The following EGFLAM variants were observed in gnomAD, a reference collection of about 807,000 sequenced individuals.
EGFLAM encodes the protein pikachurin.
A neutral mutation model predicts 113.1 loss-of-function variants in EGFLAM; 79 were observed. The observed-to-expected ratio is 0.70, with a 90% CI of 0.58 to 0.84. EGFLAM has a LOEUF of 0.84. EGFLAM is among the 40% of genes least tolerant of loss of function. EGFLAM has a pLI of 0.00. For missense variants in EGFLAM, 1,265 were observed against 1,291.6 expected, an observed-to-expected ratio of 0.98 and a Z score of 0.32; for synonymous variants, 504 against 487.6, an observed-to-expected ratio of 1.03 and a Z score of -0.44.
chr5:38,288,598 G>A (rs935180991), intron 1 of EGFLAM, among the ~76,000 whole-genome samples: 2 of 149,368 alleles, frequency 1.3e-5, no homozygotes, highest in African/African-American at 5.2e-5. Flanking sequence ...TGGTTCATGA[G>A]CTGAGAAAAT....
rs753660780 is a variant in EGFLAM at position 38,258,830 on chromosome 5, C to G, written c.76C>G (p.Arg26Gly). 5.6e-6 allele frequency: 9 copies of G among 1,611,988 alleles called. No individual in the cohort carries two copies. The highest frequency in any genetic ancestry group is 3.3e-5 in the Admixed American group (2 of 59,912). The change falls in exon 1 of 22, where the codon CGA becomes GGA. Residue 26 changes from arginine to glycine, a missense_variant. Arg to Gly is a moderately radical substitution (Grantham distance 125). Coordinates refer to ENST00000322350, the MANE Select transcript of EGFLAM (RefSeq NM_152403.4). ...SSLGPGAVSL[R>G]AAIRKPGKVG... ...CCTCGGACCCGGCGCGGTGTCGCTCCGAGCGGCCATCCGAAAACCAGGTAA... is the reference window on the plus strand; with the variant it reads ...CCTCGGACCCGGCGCGGTGTCGCTCGGAGCGGCCATCCGAAAACCAGGTAA...
At chr5:38,380,615 C>A (rs1740485027) in intron 6 of EGFLAM, among the ~76,000 whole-genome samples, 1 of 152,180 alleles carries the variant, frequency 6.6e-6, no homozygotes, top group Non-Finnish European at 1.5e-5. Context: ...CCTAGACAAA[C>A]CTGCATTTTC....
Position 38,407,918 on chromosome 5 carries a change from T to G in EGFLAM, c.1248+13T>G. 2.2e-5 allele frequency: 35 copies of G among 1,573,734 alleles called. No homozygotes were observed. The highest frequency in any genetic ancestry group is 3.0e-5 in the Non-Finnish European group (34 of 1,143,738). On this transcript the variant is annotated intron_variant, in intron 9 of 21. Coordinates refer to ENST00000322350, the MANE Select transcript of EGFLAM (RefSeq NM_152403.4). ...TCTTGAATTTAGGGTAAGAGGGATG[T>G]GTTGTTTGATGAGTGCTTTTTGGAC...
At chr5:38,440,068 G>C (rs1399981409) in intron 17 of EGFLAM, among the ~76,000 whole-genome samples, 1 of 152,192 alleles carries the variant, frequency 6.6e-6, no homozygotes, top group Non-Finnish European at 1.5e-5. Flanking sequence ...TATAGGTTCA[G>C]GTTCAATGAG....
chr5:38,295,090 G>T (rs951204564), intron 1 of EGFLAM, among the ~76,000 whole-genome samples: 1 of 152,168 alleles, frequency 6.6e-6, no homozygotes, highest in East Asian at 1.9e-4. Context: ...GCCTCCCAAC[G>T]TGCTGGGAAT....
chr5:38,425,138 T>A, intron 13 of EGFLAM, 46 bp downstream of exon 13: 1 of 1,601,588 alleles, frequency 6.2e-7, no homozygotes, highest in Non-Finnish European at 8.5e-7. Context: ...GCATGTTAAT[T>A]TGTGTAGATG....
intron 6 of EGFLAM, among the ~76,000 whole-genome samples, chr5:38,377,006 A>G (rs1740383780): frequency 6.6e-6 from 1 of 151,316 alleles, no homozygotes; most frequent in Non-Finnish European, 1.5e-5. Context: ...GCCCTGCTTT[A>G]TTTTCTCCAT....
chr5:38,319,353 C>A (rs773514020), intron 1 of EGFLAM, among the ~76,000 whole-genome samples: 37 of 152,108 alleles, frequency 2.4e-4, no homozygotes, highest in Non-Finnish European at 5.0e-4. Context: ...GATGCCAGCA[C>A]AGGTTGATGG....
rs534460044 is a variant in EGFLAM, at chr5:38,445,867, G to A, written c.2465-2434G>A. On this transcript the variant is annotated intron_variant, in intron 17 of 21. Coordinates refer to ENST00000322350, the MANE Select transcript of EGFLAM (RefSeq NM_152403.4). ...CCAGAGGACACTTCTCTCCTGAGCT[G>A]GGGGCTGAGCCGGCAGCTGCTGGGG... 3.3e-5 allele frequency among the ~76,000 whole-genome samples: 5 copies of A among 152,286 alleles called. No individual in the cohort carries two copies. In the South Asian group the frequency reaches 6.2e-4, roughly 19 times the overall value.
chr5:38,448,420 G>A (rs756459203), intron 18 of EGFLAM, 41 bp downstream of exon 18: 6 of 1,592,278 alleles, frequency 3.8e-6, no homozygotes, highest in Non-Finnish European at 5.2e-6. Context: ...CTTTCTGGGG[G>A]TAAATTTCTC....
intron 15 of EGFLAM, among the ~76,000 whole-genome samples, chr5:38,433,320 C>A (rs1579924884): frequency 6.6e-6 from 1 of 152,206 alleles, no homozygotes; most frequent in Non-Finnish European, 1.5e-5. Context: ...GGGCTTGAGT[C>A]CGACTATGCA....
chr5:38,363,398 G>GA (rs1192025392), intron 5 of EGFLAM, among the ~76,000 whole-genome samples: 1 of 151,582 alleles, frequency 6.6e-6, no homozygotes, highest in Non-Finnish European at 1.5e-5. Context: ...ACTTGGATTG[G>GA]AAAAAAAATT....
chr5:38,348,568 G>A (rs1290401331), intron 3 of EGFLAM, among the ~76,000 whole-genome samples: 5 of 152,170 alleles, frequency 3.3e-5, no homozygotes, highest in Admixed American at 3.3e-4. Context: ...TCATTACAAA[G>A]TTGTTACGGT....
At chr5:38,439,491 G>A (rs1742464469) in intron 17 of EGFLAM, among the ~76,000 whole-genome samples, 2 of 152,098 alleles carry the variant, frequency 1.3e-5, no homozygotes, top group Non-Finnish European at 1.5e-5. Flanking sequence ...CAGAATTAGG[G>A]CTTAGAGGAA....
At chr5:38,287,876 T>C (rs1422070005) in intron 1 of EGFLAM, among the ~76,000 whole-genome samples, 5 of 152,260 alleles carry the variant, frequency 3.3e-5, no homozygotes, top group Non-Finnish European at 7.3e-5. Context: ...TGTATTCATT[T>C]AGCAATTGTT....
chr5:38,329,841 A>C (rs1191827351), intron 1 of EGFLAM, among the ~76,000 whole-genome samples: 1 of 152,058 alleles, frequency 6.6e-6, no homozygotes, highest in African/African-American at 2.4e-5. Flanking sequence ...ATATCCTGCT[A>C]ATTTGTGTCC....
intron 16 of EGFLAM, among the ~76,000 whole-genome samples, chr5:38,436,263 C>T (rs1742346913): frequency 1.3e-5 from 2 of 152,172 alleles, no homozygotes; most frequent in East Asian, 1.9e-4. Flanking sequence ...TGAAGAAAAG[C>T]ATGTTTAGTT....
At chr5:38,278,386 A>T (rs1757937409) in intron 1 of EGFLAM, among the ~76,000 whole-genome samples, 1 of 152,218 alleles carries the variant, frequency 6.6e-6, no homozygotes, top group Non-Finnish European at 1.5e-5. Context: ...GATATACAAA[A>T]ATCAACTCAA....
chr5:38,370,536 C>A, intron 6 of EGFLAM, 74 bp downstream of exon 6: 1 of 1,519,480 alleles, frequency 6.6e-7, no homozygotes, highest in South Asian at 1.2e-5. Flanking sequence ...CTCACTTGAC[C>A]TGGATGCCGT....
Sources: gnomAD v4.1 joint callset for allele counts (sites outside exome capture counted in the v4.1 genomes callset) on GRCh38, gnomAD v4.1.1 for gene constraint, MANE v1.5 for transcripts, NCBI Gene and HGNC (gene_info 2026-07-23, HGNC 2026-07-21) for gene names.